Variants in XKR4 observed in about 807,000 individuals in gnomAD.
XKR4 encodes the protein XK-related protein 4.
A neutral mutation model predicts 53.9 loss-of-function variants in XKR4; 12 were observed. That is an observed-to-expected ratio of 0.22 (90% CI 0.14 to 0.36). The LOEUF is 0.36. XKR4 is among the 10% of genes least tolerant of loss of function. The pLI is 1.00. For synonymous variants in XKR4, 354 were observed against 362.4 expected (o/e 0.98, Z 0.26); for missense variants, 799 against 859.5 (o/e 0.93, Z 0.88).
rs1416729836 is a variant in XKR4, at chr8:55,455,193, C to T, written c.1007-68088C>T. 9 of 473,986 alleles carry T rather than the reference C, an allele frequency of 1.9e-5. No individual in the cohort carries two copies. In the East Asian group the frequency reaches 3.8e-4, roughly 20 times the overall value. 29.4% of individuals were successfully genotyped at this position (473,986 alleles called of 1,614,324 possible). A position where few individuals can be genotyped will look rare whatever the true frequency, so the allele number is the denominator to read the frequency against. On this transcript the variant is annotated intron_variant, in intron 2 of 2. Coordinates refer to ENST00000327381, the MANE Select transcript of XKR4 (RefSeq NM_052898.2). ...CTCGGGGACTCGAGGGCTGCGCGCT[C>T]ATGGCCCGGGCCTGGCCCTGGACCG...
chr8:55,481,441 C>T (rs1053212801), intron 2 of XKR4, among the ~76,000 whole-genome samples: 10 of 151,944 alleles, frequency 6.6e-5, no homozygotes, highest in Non-Finnish European at 1.0e-4. Flanking sequence ...ACCATAAAAA[C>T]CCTAGAAGAA....
chr8:55,481,562 A>G (rs911487157), intron 2 of XKR4, among the ~76,000 whole-genome samples: 1 of 152,214 alleles, frequency 6.6e-6, no homozygotes, highest in African/African-American at 2.4e-5. Flanking sequence ...AATTAAACTA[A>G]AGAGCTTCTG....
At chr8:55,270,737 T>A (rs973338843) in intron 1 of XKR4, among the ~76,000 whole-genome samples, 1 of 152,202 alleles carries the variant, frequency 6.6e-6, no homozygotes, top group African/African-American at 2.4e-5. Context: ...TGAAAACTTA[T>A]CCTCACAGGT....
chr8:55,469,387 C>T (rs1805837822), intron 2 of XKR4, among the ~76,000 whole-genome samples: 1 of 152,086 alleles, frequency 6.6e-6, no homozygotes, highest in Non-Finnish European at 1.5e-5. Context: ...GTGTCTTAGC[C>T]TCCCAAGATC....
At chr8:55,193,674 TA>T (rs1202748358) in intron 1 of XKR4, among the ~76,000 whole-genome samples, 1 of 152,232 alleles carries the variant, frequency 6.6e-6, no homozygotes, top group African/African-American at 2.4e-5. Context: ...GTCCCCATGC[TA>T]AAAATAATCT....
intron 2 of XKR4, among the ~76,000 whole-genome samples, chr8:55,419,963 C>T (rs897508844): frequency 6.6e-6 from 1 of 152,182 alleles, no homozygotes; most frequent in Non-Finnish European, 1.5e-5. Context: ...AGGACTTTGA[C>T]GTTAACAGTG....
chr8:55,428,204 T>G (rs1486072263), intron 2 of XKR4, among the ~76,000 whole-genome samples: 1 of 152,136 alleles, frequency 6.6e-6, no homozygotes, highest in Non-Finnish European at 1.5e-5. Context: ...ATAAGAAAAC[T>G]CTGAACAGTA....
intron 2 of XKR4, among the ~76,000 whole-genome samples, chr8:55,413,621 A>G (rs1804805309): frequency 1.3e-5 from 2 of 152,330 alleles, no homozygotes; most frequent in South Asian, 4.1e-4. Context: ...GTCCTTTAAT[A>G]TAACTAAACA....
chr8:55,357,734 G>A lies in XKR4; in HGVS notation c.863G>A (p.Arg288Lys). 2 of 1,614,242 alleles carry A rather than the reference G, an allele frequency of 1.2e-6. No individual in the cohort carries two copies. Among genetic ancestry groups the A allele is most frequent in the Non-Finnish European group, 1.7e-6 (2 of 1,180,042 alleles). Residue 288 changes from arginine to lysine, a missense_variant, in exon 2 of 3, where the codon AGA (arginine) becomes AAA (lysine). Physicochemically the swap from Arg to Lys is conservative, Grantham distance 26. Around this residue, in one of 3 missense-constraint regions of XKR4, gnomAD observed 476 missense variants for 505.4 expected, o/e 0.94. Coordinates refer to ENST00000327381, the MANE Select transcript of XKR4 (RefSeq NM_052898.2). ...IRSRQSGEND[R>K]WRFYWKMVYE... ...AGCCGACAGAGTGGGGAGAATGACAGATGGAGGTTTTACTGGAAAATGGTA... is the reference window on the plus strand; with the variant it reads ...AGCCGACAGAGTGGGGAGAATGACAAATGGAGGTTTTACTGGAAAATGGTA...
At position 55,242,412 on chromosome 8, in the gene XKR4, A is replaced by C. The variant is rs532154769; in HGVS notation, c.807-115266A>C. ...TATCATCTTCCTGAGTCTCTGAGGG[A>C]GACAGACTGGAACTCAGGATTTGGA... On this transcript the variant is annotated intron_variant, in intron 1 of 2. Transcript: ENST00000327381. Among the ~76,000 whole-genome samples the C allele has an allele frequency of 1.8e-4, 28 of 152,288 alleles. No individual in the cohort carries two copies. The South Asian group carries it at 5.6e-3, about 30-fold the overall frequency.
intron 1 of XKR4, among the ~76,000 whole-genome samples, chr8:55,351,495 G>T (rs1368023944): frequency 6.6e-6 from 1 of 152,208 alleles, no homozygotes; most frequent in African/African-American, 2.4e-5. Flanking sequence ...ACAGCTGGGA[G>T]TATACATAGC....
At chr8:55,144,468 G>T (rs1374485522) in intron 1 of XKR4, among the ~76,000 whole-genome samples, 2 of 152,076 alleles carry the variant, frequency 1.3e-5, no homozygotes, top group East Asian at 3.9e-4. Flanking sequence ...AAAGAGAGCC[G>T]TCTGCAGCTA....
chr8:55,254,312 A>G (rs1818405157), intron 1 of XKR4, among the ~76,000 whole-genome samples: 1 of 152,050 alleles, frequency 6.6e-6, no homozygotes, highest in African/African-American at 2.4e-5. Flanking sequence ...ACACATTTTA[A>G]ACACACTGTA....
intron 1 of XKR4, among the ~76,000 whole-genome samples, chr8:55,273,380 T>C (rs1184084244): frequency 1.3e-5 from 2 of 152,226 alleles, no homozygotes; most frequent in African/African-American, 4.8e-5. Flanking sequence ...AAGTTTAGTT[T>C]ATAGTTTAAA....
chr8:55,535,940 A>ATT lies in XKR4; in HGVS notation c.*11714_*11715insTT, dbSNP rs1807025940. ...AGGAGAGCTTCTCGTGGGTTCTAAG[A>ATT]TAAGGTATTCCAAGGTATTGTAAGT... On this transcript the variant is annotated 3_prime_UTR_variant, in exon 3 of 3. Transcript: ENST00000327381. The ATT allele has an allele frequency of 6.6e-6, 1 of 152,216 alleles. No homozygotes were observed. The highest frequency in any genetic ancestry group is 1.5e-5 in the Non-Finnish European group (1 of 68,044). 9.4% of individuals were successfully genotyped at this position (152,216 alleles called of 1,614,324 possible).
At chr8:55,468,964 G>T (rs1348968378) in intron 2 of XKR4, among the ~76,000 whole-genome samples, 1 of 152,022 alleles carries the variant, frequency 6.6e-6, no homozygotes, top group East Asian at 1.9e-4. Flanking sequence ...CCAAACTCTT[G>T]CTATCCCTCT....
At chr8:55,254,454 A>G (rs1421108269) in intron 1 of XKR4, among the ~76,000 whole-genome samples, 2 of 152,166 alleles carry the variant, frequency 1.3e-5, no homozygotes, top group African/African-American at 4.8e-5. Flanking sequence ...ACAAACTTCA[A>G]GTGCTTTTCT....
intron 1 of XKR4, chr8:55,164,085 C>G (rs750782401): frequency 2.7e-5 from 11 of 406,802 alleles, no homozygotes; most frequent in Non-Finnish European, 2.5e-5. Context: ...ATCTGTGACC[C>G]ACATTAAGAC....
chr8:55,522,811 TCCATCCCATTTCCAGGTCTCACAC>T (rs1485361343), intron 2 of XKR4, among the ~76,000 whole-genome samples: 1 of 152,116 alleles, frequency 6.6e-6, no homozygotes, highest in East Asian at 1.9e-4. Context: ...AAAGTTAAAC[TCCATCCCATTTCCAGGTCTCACAC>T]CCATGCTGGG....
Sources: allele counts gnomAD v4.1 joint callset (sites outside exome capture counted in the v4.1 genomes callset), GRCh38; gene constraint gnomAD v4.1.1; regional missense constraint gnomAD v4.1.1; transcripts MANE v1.5; gene names NCBI Gene and HGNC (gene_info 2026-07-23, HGNC 2026-07-21).